NEK10: variants seen among roughly 807,000 people sequenced by gnomAD.
NEK10 encodes NIMA related kinase 10, also known as serine/threonine-protein kinase Nek10.
NEK10 carries 122 observed loss-of-function variants against 159.8 expected under a neutral mutation model. The ratio of observed to expected loss-of-function variants is 0.76; its 90% CI spans 0.66 to 0.89. NEK10 has a LOEUF of 0.89. NEK10 is among the 40% of genes least tolerant of loss of function. The pLI is 0.00. For missense variants in NEK10, 1,342 were observed against 1,323.1 expected, an observed-to-expected ratio of 1.01 and a Z score of -0.22; for synonymous variants, 466 against 457.1, an observed-to-expected ratio of 1.02 and a Z score of -0.25.
At chr3:27,287,646 A>G (rs1401818230) in intron 20 of NEK10, 52 bp downstream of exon 20, 9 of 1,534,678 alleles carry the variant, frequency 5.9e-6, no homozygotes, top group Non-Finnish European at 7.9e-6. Flanking sequence ...ACAAAAATAT[A>G]TGTGACAAAA....
Position 27,256,384 on chromosome 3 carries a change from A to AT in NEK10, c.2015-14_2015-13insA, listed in dbSNP as rs771197467. The AT allele has an allele frequency of 6.5e-7, 1 of 1,535,206 alleles. No individual in the cohort carries two copies. The highest frequency in any genetic ancestry group is 2.3e-5 in the East Asian group (1 of 42,712). ...AGGCCAAAGTCAGCTACAATTCACA[A>AT]AACAACGCAATATGTTACTATATTT... On this transcript the variant is annotated splice_polypyrimidine_tract_variant and intron_variant, in intron 22 of 35. Coordinates refer to ENST00000691995, the MANE Select transcript of NEK10 (RefSeq NM_001394966.1).
rs555761151 is a variant in NEK10 at position 27,198,946 on chromosome 3, G to T, written c.2291+2564C>A. ...AAATTAGCCAGGTGTGGTGGCACAG[G>T]CCTACAGTCCCAGCTACTCAGGAGG... On this transcript the variant is annotated intron_variant, in intron 25 of 35. Coordinates refer to ENST00000691995, the MANE Select transcript of NEK10 (RefSeq NM_001394966.1). 1.8e-4 allele frequency among the ~76,000 whole-genome samples: 27 copies of T among 151,894 alleles called. No individual in the cohort carries two copies. The South Asian group carries it at 5.4e-3, about 31-fold the overall frequency.
chr3:27,112,299 A>G (rs1429338963), intron 35 of NEK10, among the ~76,000 whole-genome samples: 1 of 152,208 alleles, frequency 6.6e-6, no homozygotes, highest in African/African-American at 2.4e-5. Context: ...TATAAACCCT[A>G]TAATTTAAAC....
At chr3:27,341,630 T>C (rs2047209137) in intron 5 of NEK10, among the ~76,000 whole-genome samples, 1 of 152,230 alleles carries the variant, frequency 6.6e-6, no homozygotes, top group Non-Finnish European at 1.5e-5. Flanking sequence ...TTACCTTATC[T>C]GACTCTGGAT....
intron 23 of NEK10, among the ~76,000 whole-genome samples, chr3:27,217,726 T>C (rs1446895690): frequency 6.6e-6 from 1 of 151,956 alleles, no homozygotes; most frequent in Non-Finnish European, 1.5e-5. Flanking sequence ...CCCTTATAAA[T>C]ATAGACACAA....
chr3:27,300,021 G>A (rs1412431601), intron 13 of NEK10, among the ~76,000 whole-genome samples: 7 of 152,156 alleles, frequency 4.6e-5, no homozygotes, highest in African/African-American at 1.7e-4. Flanking sequence ...TAAGACTTTG[G>A]GGGACTGTTG....
intron 5 of NEK10, among the ~76,000 whole-genome samples, chr3:27,329,063 G>T (rs758097355): frequency 7.9e-5 from 12 of 152,142 alleles, no homozygotes; most frequent in Non-Finnish European, 1.6e-4. Context: ...CTGGTGGGAG[G>T]TATTTAATCA....
chr3:27,177,854 A>G (rs1180513234), intron 26 of NEK10, among the ~76,000 whole-genome samples: 1 of 152,214 alleles, frequency 6.6e-6, no homozygotes, highest in Non-Finnish European at 1.5e-5. Flanking sequence ...CAGCAAGTAC[A>G]TTAACCTATT....
intron 23 of NEK10, among the ~76,000 whole-genome samples, chr3:27,223,158 T>C (rs962931247): frequency 1.1e-4 from 17 of 152,228 alleles, no homozygotes; most frequent in African/African-American, 4.1e-4. Context: ...ACAAAGGTGC[T>C]GTGTTTGAAG....
chr3:27,269,241 G>A (rs2041142788), intron 22 of NEK10, among the ~76,000 whole-genome samples: 1 of 152,212 alleles, frequency 6.6e-6, no homozygotes, highest in Admixed American at 6.5e-5. Flanking sequence ...AATTGACATG[G>A]AGGCAGCAGG....
chr3:27,353,723 A>G (rs1215268003), intron 1 of NEK10, among the ~76,000 whole-genome samples: 1 of 152,152 alleles, frequency 6.6e-6, no homozygotes, highest in African/African-American at 2.4e-5. Flanking sequence ...CATTCAACAA[A>G]TATTTATTGA....
At chr3:27,172,886 T>A (rs1947141194) in intron 28 of NEK10, among the ~76,000 whole-genome samples, 1 of 152,150 alleles carries the variant, frequency 6.6e-6, no homozygotes, top group Non-Finnish European at 1.5e-5. Context: ...CTGTAAATGG[T>A]AGGTAGGAAA....
chr3:27,334,387 G>C (rs2149725480), intron 5 of NEK10, among the ~76,000 whole-genome samples: 1 of 152,296 alleles, frequency 6.6e-6, no homozygotes, highest in South Asian at 2.1e-4. Context: ...CCAGCCCATG[G>C]TTGTCACTAC....
chr3:27,332,455 C>A (rs894312665), intron 5 of NEK10, among the ~76,000 whole-genome samples: 3 of 152,202 alleles, frequency 2.0e-5, no homozygotes, highest in Non-Finnish European at 4.4e-5. Flanking sequence ...ATACCTTCAT[C>A]ATTTTCCTTG....
chr3:27,202,449 G>A lies in NEK10; in HGVS notation c.2199C>T (p.Asn733=). 1 of 1,613,580 alleles carries A rather than the reference G, an allele frequency of 6.2e-7. No homozygotes were observed. Among genetic ancestry groups the A allele is most frequent in the South Asian group, 1.1e-5 (1 of 90,968 alleles). Residue 733 remains asparagine, a synonymous_variant, in exon 24 of 36, where the codon AAC becomes AAT. Coordinates refer to ENST00000691995, the MANE Select transcript of NEK10 (RefSeq NM_001394966.1). ...TTACTTTTGTAGCCAAGGACAGCAT[G>A]TTAGTGCTGTAGAAGGGGGGACTCA... is the stretch of plus-strand genomic sequence containing the variant. ...ATLSPPFYST[N]MLSLATKIVE...
chr3:27,175,886 A>G (rs540661915), intron 26 of NEK10, among the ~76,000 whole-genome samples: 125 of 152,328 alleles, frequency 8.2e-4, no homozygotes, highest in Non-Finnish European at 1.3e-3. Flanking sequence ...TTTAGTCACA[A>G]ATTACCTAGC....
chr3:27,210,511 T>A (rs1174552402), intron 23 of NEK10, among the ~76,000 whole-genome samples: 1 of 152,160 alleles, frequency 6.6e-6, no homozygotes, highest in African/African-American at 2.4e-5. Flanking sequence ...TTTCAAACCA[T>A]AGCACTCTGT....
chr3:27,145,722 T>C (rs1294307613), intron 30 of NEK10, among the ~76,000 whole-genome samples: 1 of 152,122 alleles, frequency 6.6e-6, no homozygotes, highest in East Asian at 1.9e-4. Context: ...TGCTCCTTTA[T>C]TGGTGTAGAT....
At chr3:27,193,169 A>C (rs1488248043) in intron 25 of NEK10, among the ~76,000 whole-genome samples, 1 of 152,180 alleles carries the variant, frequency 6.6e-6, no homozygotes, top group East Asian at 1.9e-4. Context: ...CCCTTCCTAC[A>C]TTTAACAAAC....
Sources: allele counts gnomAD v4.1 joint callset (sites outside exome capture counted in the v4.1 genomes callset), GRCh38; gene constraint gnomAD v4.1.1; transcripts MANE v1.5; gene names NCBI Gene and HGNC (gene_info 2026-07-23, HGNC 2026-07-21).